The following TMEM38A variants were observed in gnomAD, a reference collection of about 807,000 sequenced individuals.
TMEM38A encodes the protein transmembrane protein 38A.
Under a neutral mutation model 28.6 loss-of-function variants are expected in TMEM38A, and 17 were observed. That is an observed-to-expected ratio of 0.60 (90% confidence interval 0.41 to 0.89). TMEM38A has a LOEUF of 0.89. Ranked by LOEUF, TMEM38A falls within the 40% of genes least tolerant of loss-of-function variation. The probability of loss-of-function intolerance (pLI) is 0.00; values close to 1 mark genes in which losing one functional copy is unlikely to be tolerated. For missense variants in TMEM38A, 328 were observed against 393.1 expected (o/e 0.83, Z 1.40); for synonymous variants, 169 against 166.1 (o/e 1.02, Z -0.14).
intron 3 of TMEM38A, among the ~76,000 whole-genome samples, chr19:16,681,711 C>T (rs77823645): frequency 0.03 from 4,540 of 152,204 alleles, 233 homozygotes; most frequent in African/African-American, 0.1. Context: ...TCCCTGGCCT[C>T]GACTCACTAA....
intron 1 of TMEM38A, among the ~76,000 whole-genome samples, chr19:16,662,764 T>TA (rs1296387435): frequency 6.6e-6 from 1 of 151,984 alleles, no homozygotes; most frequent in Non-Finnish European, 1.5e-5. Context: ...TGCACGCTCT[T>TA]ATGCTAACAG....
At position 16,661,764 on chromosome 19, in the gene TMEM38A, G is replaced by GTGTC. The variant is rs2086681356; in HGVS notation, c.124+425_124+428dup. Among the ~76,000 whole-genome samples, 1 of 117,886 alleles carries GTGTC rather than the reference G, an allele frequency of 8.5e-6. No homozygotes were observed. Among genetic ancestry groups the GTGTC allele is most frequent in the Non-Finnish European group, 1.5e-5 (1 of 65,674 alleles). 77.3% of individuals were successfully genotyped at this position (117,886 alleles called of 152,430 possible). ...CACGCGGATTGAGAGCGCCAGCGGA[G>GTGTC]TGTCTATAAGGGCCACTGCGCTGGG... On this transcript the variant is annotated intron_variant, in intron 1 of 5. Coordinates refer to ENST00000187762, the MANE Select transcript of TMEM38A (RefSeq NM_024074.4). The surrounding 1 kb of genome is among the most constrained non-coding windows in gnomAD (Gnocchi z 6.5).
intron 5 of TMEM38A, among the ~76,000 whole-genome samples, chr19:16,687,232 T>G (rs1157379800): frequency 1.3e-5 from 2 of 152,148 alleles, no homozygotes; most frequent in African/African-American, 2.4e-5. Flanking sequence ...CTCGGGAGGC[T>G]GAGGCAGGAG....
At chr19:16,666,275 G>A (rs948837427) in intron 1 of TMEM38A, among the ~76,000 whole-genome samples, 2 of 151,684 alleles carry the variant, frequency 1.3e-5, no homozygotes, top group Non-Finnish European at 2.9e-5. Flanking sequence ...CATTGCGCCT[G>A]GCCCATTTTT....
chr19:16,683,583 A>C (rs904720051), intron 4 of TMEM38A, among the ~76,000 whole-genome samples: 1 of 126,870 alleles, frequency 7.9e-6, no homozygotes, highest in African/African-American at 3.6e-5. Flanking sequence ...GCAGAGCAAG[A>C]CCTTGTCTCA....
At chr19:16,675,529 T>TG (rs1162148196) in intron 1 of TMEM38A, among the ~76,000 whole-genome samples, 1 of 147,784 alleles carries the variant, frequency 6.8e-6, no homozygotes, top group Admixed American at 6.8e-5. Flanking sequence ...TCACCACGCC[T>TG]GGCCTCTCTT....
chr19:16,678,553 A>T (rs2040593791), intron 1 of TMEM38A, among the ~76,000 whole-genome samples: 1 of 151,806 alleles, frequency 6.6e-6, no homozygotes, highest in African/African-American at 2.4e-5. Context: ...TGAGCCCAGG[A>T]GTTTGAGACC....
intron 3 of TMEM38A, 116 bp downstream of exon 3, chr19:16,680,697 G>C (rs2086778468): frequency 9.8e-7 from 1 of 1,020,170 alleles, no homozygotes; most frequent in Admixed American, 2.2e-5. Flanking sequence ...CATAAAGACT[G>C]CAGTAGGTGT....
At chr19:16,666,843 C>T (rs2086705119) in intron 1 of TMEM38A, among the ~76,000 whole-genome samples, 1 of 151,538 alleles carries the variant, frequency 6.6e-6, no homozygotes, top group Admixed American at 6.6e-5. Context: ...ATCCCAGCTA[C>T]TTGGGTGGCT....
intron 2 of TMEM38A, 62 bp from the exon 3 acceptor site, chr19:16,680,335 T>C: frequency 1.3e-6 from 2 of 1,586,622 alleles, no homozygotes; most frequent in Non-Finnish European, 8.6e-7. Flanking sequence ...TAACCACAGC[T>C]CCCTACCCCC....
intron 1 of TMEM38A, among the ~76,000 whole-genome samples, chr19:16,675,085 T>C (rs2086744477): frequency 6.6e-6 from 1 of 152,174 alleles, no homozygotes; most frequent in Non-Finnish European, 1.5e-5. Flanking sequence ...ACAAATTTAT[T>C]TCTCAGAGTT....
chr19:16,661,371 C>A lies in TMEM38A; in HGVS notation c.124+30C>A. 6.6e-7 allele frequency: 1 copy of A among 1,523,932 alleles called. No homozygotes were observed. The highest frequency in any genetic ancestry group is 8.8e-7 in the Non-Finnish European group (1 of 1,130,094). The allele number at this position is 1,523,932 out of a possible 1,614,324, so 94.4% of individuals were successfully genotyped here. A position where few individuals can be genotyped will look rare whatever the true frequency, so the allele number is the denominator to read the frequency against. The stretch of plus-strand genomic sequence containing the variant: ...GCCGGGGCGGGGGGCTGGAGGGGAC[C>A]GGCAGCGGGTGGCGCGGGCCGGGGC... On this transcript the variant is annotated intron_variant, in intron 1 of 5. Coordinates refer to ENST00000187762, the MANE Select transcript of TMEM38A (RefSeq NM_024074.4). This position sits in a 1 kb window ranked among gnomAD's most constrained non-coding sequence, Gnocchi z 6.5.
chr19:16,678,008 G>A (rs544821129), intron 1 of TMEM38A, among the ~76,000 whole-genome samples: 10 of 152,266 alleles, frequency 6.6e-5, no homozygotes, highest in Non-Finnish European at 1.3e-4. Flanking sequence ...GTAGAATGGT[G>A]CCAGGGGCTA....
chr19:16,672,197 A>G (rs916103409), intron 1 of TMEM38A, among the ~76,000 whole-genome samples: 1 of 152,134 alleles, frequency 6.6e-6, no homozygotes, highest in African/African-American at 2.4e-5. Context: ...CAAAGAAGCA[A>G]CGTTCTACTT....
At position 16,686,195 on chromosome 19, in the gene TMEM38A, G is replaced by A. The variant is rs1599393166; in HGVS notation, c.555-93G>A. ...AAAGAAAAGAGAGAAGCTGGGATGG[G>A]AGCTGGTGCCAGGGCAGGGGGGTGT... On this transcript the variant is annotated intron_variant, in intron 4 of 5. Coordinates refer to ENST00000187762, the MANE Select transcript of TMEM38A (RefSeq NM_024074.4). 16 of 822,358 alleles carry A rather than the reference G, an allele frequency of 1.9e-5. No individual in the cohort carries two copies. The East Asian group carries it at 4.3e-4, about 22-fold the overall frequency. The allele number at this position is 822,358 out of a possible 1,614,324, so 50.9% of individuals were successfully genotyped here. A position where few individuals can be genotyped will look rare whatever the true frequency, so the allele number is the denominator to read the frequency against.
At chr19:16,688,064 C>A (rs908749007) in intron 5 of TMEM38A, 80 bp from the exon 6 acceptor site, 2 of 1,036,034 alleles carry the variant, frequency 1.9e-6, no homozygotes, top group Non-Finnish European at 2.7e-6. Flanking sequence ...CTCTTCTCCC[C>A]ACCCTGCCCT....
Position 16,661,409 on chromosome 19 carries a change from G to T in TMEM38A, c.124+68G>T. The T allele has an allele frequency of 2.9e-6, 4 of 1,359,260 alleles. No individual in the cohort carries two copies. The highest frequency in any genetic ancestry group is 3.9e-6 in the Non-Finnish European group (4 of 1,013,390). 84.2% of individuals were successfully genotyped at this position (1,359,260 alleles called of 1,614,324 possible). A position where few individuals can be genotyped will look rare whatever the true frequency, so the allele number is the denominator to read the frequency against. Reference sequence around the variant, plus strand: ...CGCGGGCCGGGGCAGCTCGGGGGTCGCAGAGAGGGGAAGCCCGTGCGTGGT... The same window carrying T: ...CGCGGGCCGGGGCAGCTCGGGGGTCTCAGAGAGGGGAAGCCCGTGCGTGGT... On this transcript the variant is annotated intron_variant, in intron 1 of 5. Coordinates refer to ENST00000187762, the MANE Select transcript of TMEM38A (RefSeq NM_024074.4). The surrounding 1 kb of genome is among the most constrained non-coding windows in gnomAD (Gnocchi z 6.5).
intron 2 of TMEM38A, 33 bp downstream of exon 2, chr19:16,680,173 G>A (rs746100898): frequency 2.8e-5 from 44 of 1,595,770 alleles, no homozygotes; most frequent in Non-Finnish European, 3.2e-5. Flanking sequence ...GAGCAGAGCC[G>A]GGTGGGGGAA....
intron 1 of TMEM38A, among the ~76,000 whole-genome samples, chr19:16,676,755 CTTTT>C (rs960732087): frequency 2.5e-5 from 3 of 119,270 alleles, no homozygotes; most frequent in African/African-American, 3.6e-5. Context: ...TTTTCATGAC[CTTTT>C]TTTTTTTTTT....
Sources: allele counts gnomAD v4.1 joint callset (sites outside exome capture counted in the v4.1 genomes callset), GRCh38; gene constraint gnomAD v4.1.1; non-coding constraint Gnocchi (gnomAD v3.1); transcripts MANE v1.5; gene names NCBI Gene and HGNC (gene_info 2026-07-23, HGNC 2026-07-21).